Variants in RNF115 observed in about 807,000 individuals in gnomAD.
RNF115 encodes the protein E3 ubiquitin-protein ligase RNF115.
In RNF115, 31 loss-of-function variants were observed where a neutral mutation model predicts 39.2. That is an observed-to-expected ratio of 0.79 (90% CI 0.59 to 1.07). The LOEUF (loss-of-function observed/expected upper bound fraction) is 1.07, where lower values mean the gene tolerates loss of function less well. RNF115 is among the 50% of genes least tolerant of loss of function. The probability of loss-of-function intolerance (pLI) is 0.00; values close to 1 mark genes in which losing one functional copy is unlikely to be tolerated. For synonymous variants in RNF115, 124 were observed against 131.0 expected (o/e 0.95, Z 0.37); for missense variants, 384 against 381.7 (o/e 1.01, Z -0.05).
At chr1:145,781,900 CTTTTTT>C (rs34615861) in intron 3 of RNF115, among the ~76,000 whole-genome samples, 1 of 135,560 alleles carries the variant, frequency 7.4e-6, no homozygotes, top group Non-Finnish European at 1.6e-5. Flanking sequence ...TACACTTTTC[CTTTTTT>C]TTTTTTTTTT....
intron 4 of RNF115, among the ~76,000 whole-genome samples, chr1:145,763,335 T>C (rs1658604156): frequency 6.6e-6 from 1 of 152,156 alleles, no homozygotes; most frequent in African/African-American, 2.4e-5. Flanking sequence ...GCTTCCTTTA[T>C]ATAACCAGGA....
chr1:145,771,691 C>A lies in RNF115; in HGVS notation c.428+20G>T, dbSNP rs367888154. ...TTCATTGAAACTACCTTAAAAAGAA[C>A]TTAAAATAAAACAACTCACCCTTCA... On this transcript the variant is annotated intron_variant, in intron 4 of 8. Transcript: ENST00000582693. 1.9e-6 allele frequency: 3 copies of A among 1,602,340 alleles called. No individual in the cohort carries two copies.
At position 145,741,026 on chromosome 1, in the gene RNF115, TG is replaced by T. The variant is rs1353588413; in HGVS notation, c.*5839del. On this transcript the variant is annotated 3_prime_UTR_variant, in exon 9 of 9. Coordinates refer to ENST00000582693, the MANE Select transcript of RNF115 (RefSeq NM_014455.4). ...CTAATTTTTGTATTTTTAGTAGACA[TG>T]GTGTTTTATTGTGCTGCCCAGGCTG... The T allele has an allele frequency of 2.0e-5, 3 of 152,172 alleles. No individual in the cohort carries two copies. The highest frequency in any genetic ancestry group is 4.4e-5 in the Non-Finnish European group (3 of 68,042). The allele number at this position is 152,172 out of a possible 1,614,324, so 9.4% of individuals were successfully genotyped here.
chr1:145,763,600 G>A (rs1658616730), intron 4 of RNF115, among the ~76,000 whole-genome samples: 1 of 152,186 alleles, frequency 6.6e-6, no homozygotes, highest in Non-Finnish European at 1.5e-5. Flanking sequence ...TTGGGAGGCT[G>A]AGGCAGGAGA....
intron 4 of RNF115, among the ~76,000 whole-genome samples, chr1:145,759,684 G>C (rs975319814): frequency 2.0e-5 from 3 of 152,168 alleles, no homozygotes; most frequent in Non-Finnish European, 4.4e-5. Context: ...ACAGCAGTTA[G>C]AGCAATCATT....
chr1:145,823,682 A>G (rs1186539734), intron 1 of RNF115, 90 bp downstream of exon 1: 5 of 1,054,104 alleles, frequency 4.7e-6, no homozygotes, highest in African/African-American at 3.3e-5. Flanking sequence ...GGGCGAGTCA[A>G]TGATGTGCAG....
chr1:145,775,430 C>T (rs368866021), intron 3 of RNF115, among the ~76,000 whole-genome samples: 5 of 144,576 alleles, frequency 3.5e-5, no homozygotes, highest in African/African-American at 1.0e-4. Context: ...GGTCTCAACT[C>T]GGTCGCTCAG....
intron 8 of RNF115, 60 bp from the exon 9 acceptor site, chr1:145,747,057 T>C: frequency 6.6e-7 from 1 of 1,509,472 alleles, no homozygotes. Context: ...GGGAGTATTG[T>C]ACACTTAAAT....
At chr1:145,772,616 A>G (rs1282545969) in intron 3 of RNF115, 2 of 152,166 alleles carry the variant, frequency 1.3e-5, no homozygotes, top group African/African-American at 4.8e-5. Flanking sequence ...AAGATCCCTT[A>G]TATTTTACAA....
chr1:145,799,541 A>AG (rs1325356164), intron 1 of RNF115, among the ~76,000 whole-genome samples: 1 of 120,508 alleles, frequency 8.3e-6, no homozygotes, highest in African/African-American at 3.2e-5. Context: ...TCCTGATGTT[A>AG]GGGGGAAAGC....
At chr1:145,809,027 C>A (rs1553722069) in intron 1 of RNF115, among the ~76,000 whole-genome samples, 1 of 152,126 alleles carries the variant, frequency 6.6e-6, no homozygotes. Flanking sequence ...TGGGATGACT[C>A]CTCTTCTTAT....
At chr1:145,792,539 T>C (rs1334036174) in intron 1 of RNF115, among the ~76,000 whole-genome samples, 1 of 152,100 alleles carries the variant, frequency 6.6e-6, no homozygotes, top group African/African-American at 2.4e-5. Flanking sequence ...GATTAGTTTC[T>C]TGAGGAGACA....
intron 4 of RNF115, among the ~76,000 whole-genome samples, chr1:145,757,129 C>A (rs1658328905): frequency 6.6e-6 from 1 of 152,158 alleles, no homozygotes; most frequent in Non-Finnish European, 1.5e-5. Flanking sequence ...AGCCACCGCA[C>A]CCAGCCAAAT....
chr1:145,788,666 A>G (rs1338977059), intron 2 of RNF115: 2 of 631,700 alleles, frequency 3.2e-6, no homozygotes, highest in African/African-American at 1.8e-5. Context: ...TACAATCAGG[A>G]GCAGTGCGTA....
rs587680657 is a variant in RNF115, at chr1:145,754,677, C to G, written c.429-1628G>C. 4.5e-4 allele frequency among the ~76,000 whole-genome samples: 69 copies of G among 152,294 alleles called. No individual in the cohort carries two copies. In the South Asian group the frequency reaches 0.014, roughly 31 times the overall value. On this transcript the variant is annotated intron_variant, in intron 4 of 8. Coordinates refer to ENST00000582693, the MANE Select transcript of RNF115 (RefSeq NM_014455.4). ...AACTACTGTCACCCACGTTGTACAACAGATCTCTTGAACTTTTAACTAAAA... is the reference window on the plus strand; with the variant it reads ...AACTACTGTCACCCACGTTGTACAAGAGATCTCTTGAACTTTTAACTAAAA...
chr1:145,793,844 T>A (rs1008508256), intron 1 of RNF115, among the ~76,000 whole-genome samples: 2 of 144,970 alleles, frequency 1.4e-5, no homozygotes, highest in South Asian at 4.4e-4. Flanking sequence ...CCCTCTTTCT[T>A]TTTTTTTTTT....
intron 1 of RNF115, among the ~76,000 whole-genome samples, chr1:145,791,136 T>C (rs12735609): frequency 0.5 from 74,495 of 150,036 alleles, 18,961 homozygotes; most frequent in East Asian, 0.7. Flanking sequence ...ATCGAGACTC[T>C]GTCTCAAAAA....
In RNF115 at chr1:145,739,404, A is replaced by G. The variant is rs1202396152; in HGVS notation, c.*7462T>C. The G allele has an allele frequency of 6.6e-6, 1 of 152,164 alleles. No homozygotes were observed. The highest frequency in any genetic ancestry group is 2.4e-5 in the African/African-American group (1 of 41,422). The allele number at this position is 152,164 out of a possible 1,614,324, so 9.4% of individuals were successfully genotyped here. A position where few individuals can be genotyped will look rare whatever the true frequency, so the allele number is the denominator to read the frequency against. ...GGGAGCTAAGGTTTGTGGGAACGGA[A>G]AGAGATATGGCTGAAGTAGATGAGT... On this transcript the variant is annotated 3_prime_UTR_variant, in exon 9 of 9. Transcript: ENST00000582693.
intron 2 of RNF115, chr1:145,786,956 G>A (rs1648409146): frequency 3.9e-6 from 3 of 760,352 alleles, no homozygotes; most frequent in South Asian, 2.9e-5. Context: ...AGAAGCTCCA[G>A]CTTATTTACA....
Sources: gnomAD v4.1 joint callset for allele counts (sites outside exome capture counted in the v4.1 genomes callset) on GRCh38, gnomAD v4.1.1 for gene constraint, MANE v1.5 for transcripts, NCBI Gene and HGNC (gene_info 2026-07-23, HGNC 2026-07-21) for gene names.